The following QTMAN variants were observed in gnomAD, a reference collection of about 807,000 sequenced individuals.
QTMAN encodes queuosine-tRNA mannosyltransferase.
At chr2:144,244,786 A>G in the QTMAN span, among the ~76,000 whole-genome samples, 3 of 152,342 alleles carry the variant, frequency 2.0e-5, no homozygotes, top group East Asian at 1.9e-4. Context: ...ATTACTCACT[A>G]TAAGAAATTA....
the QTMAN span, among the ~76,000 whole-genome samples, chr2:144,249,060 C>A: frequency 6.6e-6 from 1 of 152,110 alleles, no homozygotes; most frequent in African/African-American, 2.4e-5. Flanking sequence ...AGGATTATTT[C>A]TCTTTATGTG....
the QTMAN span, among the ~76,000 whole-genome samples, chr2:143,978,308 C>T: frequency 6.6e-6 from 1 of 152,162 alleles, no homozygotes; most frequent in Admixed American, 6.6e-5. Flanking sequence ...ATGACCTTTT[C>T]CCCAGTTAAA....
the QTMAN span, among the ~76,000 whole-genome samples, chr2:144,248,761 C>CA: frequency 6.7e-6 from 1 of 149,318 alleles, no homozygotes; most frequent in African/African-American, 2.5e-5. Context: ...AAAAAAAAAA[C>CA]AGAGTATTGA....
chr2:144,137,225 A>G, the QTMAN span, among the ~76,000 whole-genome samples: 1 of 152,146 alleles, frequency 6.6e-6, no homozygotes, highest in Non-Finnish European at 1.5e-5. Context: ...CATTCTTAAA[A>G]TGAAACTTAC....
the QTMAN span, among the ~76,000 whole-genome samples, chr2:144,308,968 T>C: frequency 6.6e-6 from 1 of 152,202 alleles, no homozygotes; most frequent in African/African-American, 2.4e-5. Context: ...AAAGATTTCA[T>C]CAGCTATTTC....
the QTMAN span, among the ~76,000 whole-genome samples, chr2:144,041,334 C>T: frequency 1.5e-3 from 233 of 152,214 alleles, 3 homozygotes; most frequent in Non-Finnish European, 4.4e-4. Flanking sequence ...TAAGAAATGG[C>T]GTCATCACTG....
the QTMAN span, among the ~76,000 whole-genome samples, chr2:144,213,407 T>C: frequency 1.3e-5 from 2 of 152,196 alleles, no homozygotes; most frequent in African/African-American, 4.8e-5. Flanking sequence ...ATATTAAGTA[T>C]ATCATGTCAA....
the QTMAN span, among the ~76,000 whole-genome samples, chr2:144,184,143 T>A: frequency 2.0e-5 from 3 of 152,198 alleles, no homozygotes; most frequent in Admixed American, 1.3e-4. Flanking sequence ...TTTTATTATT[T>A]TTTTTTATTA....
At chr2:144,146,379 G>A in the QTMAN span, among the ~76,000 whole-genome samples, 3 of 150,780 alleles carry the variant, frequency 2.0e-5, no homozygotes, top group Non-Finnish European at 4.4e-5. Context: ...CCCTTAAAAA[G>A]CACAAATATA....
the QTMAN span, among the ~76,000 whole-genome samples, chr2:144,149,011 C>T: frequency 1.3e-5 from 2 of 151,766 alleles, no homozygotes; most frequent in African/African-American, 4.8e-5. Context: ...CAACAACACC[C>T]AAAAAGAAGT....
the QTMAN span, among the ~76,000 whole-genome samples, chr2:144,302,083 G>A: frequency 6.6e-6 from 1 of 151,844 alleles, no homozygotes; most frequent in African/African-American, 2.4e-5. Flanking sequence ...AACCTTAAGG[G>A]GCCACCACAC....
At chr2:143,941,995 A>G in the QTMAN span, 2 of 157,654 alleles carry the variant, frequency 1.3e-5, no homozygotes, top group African/African-American at 2.4e-5. Context: ...GATATTGAAG[A>G]CATTAAATTT....
At chr2:144,183,526 A>G in the QTMAN span, among the ~76,000 whole-genome samples, 1 of 152,208 alleles carries the variant, frequency 6.6e-6, no homozygotes, top group African/African-American at 2.4e-5. Flanking sequence ...AATGTATTTA[A>G]TTTAATTCTG....
the QTMAN span, among the ~76,000 whole-genome samples, chr2:144,261,718 T>C: frequency 2.9e-3 from 440 of 152,336 alleles, 1 homozygote; most frequent in Non-Finnish European, 4.4e-3. Context: ...TGAAGTGCAT[T>C]TAGCACCAAA....
At chr2:144,250,628 A>ACCACACAGAC in the QTMAN span, among the ~76,000 whole-genome samples, 2 of 151,972 alleles carry the variant, frequency 1.3e-5, no homozygotes, top group African/African-American at 2.4e-5. Flanking sequence ...GTGTGAAAGT[A>ACCACACAGAC]TTACTTTACA....
the QTMAN span, among the ~76,000 whole-genome samples, chr2:144,222,917 A>G: frequency 6.6e-6 from 1 of 152,216 alleles, no homozygotes; most frequent in East Asian, 1.9e-4. Flanking sequence ...AAAGAGAGAG[A>G]GATTTGCATT....
At chr2:144,239,509 G>A in the QTMAN span, among the ~76,000 whole-genome samples, 2 of 152,116 alleles carry the variant, frequency 1.3e-5, no homozygotes, top group Non-Finnish European at 2.9e-5. Flanking sequence ...GGGGGTGGGA[G>A]GGGAGTTGAC....
At chr2:143,949,957 T>A in the QTMAN span, among the ~76,000 whole-genome samples, 3 of 151,762 alleles carry the variant, frequency 2.0e-5, no homozygotes, top group African/African-American at 7.2e-5. Flanking sequence ...AATTGTATCA[T>A]AAAGCTCTTG....
chr2:144,035,048 C>G, the QTMAN span, among the ~76,000 whole-genome samples: 1 of 152,158 alleles, frequency 6.6e-6, no homozygotes, highest in Non-Finnish European at 1.5e-5. Flanking sequence ...ATTGTAATCC[C>G]AAATGCTGGA....
Sources: gnomAD v4.1 joint callset for allele counts (sites outside exome capture counted in the v4.1 genomes callset) on GRCh38, gnomAD v4.1.1 for gene constraint, MANE v1.5 for transcripts, NCBI Gene and HGNC (gene_info 2026-07-23, HGNC 2026-07-21) for gene names.